MEOX2: variants seen among roughly 807,000 people sequenced by gnomAD.
MEOX2 encodes homeobox protein MOX-2.
Under a neutral mutation model 27.0 loss-of-function variants are expected in MEOX2, and 11 were observed. The ratio of observed to expected loss-of-function variants is 0.41; its 90% confidence interval spans 0.26 to 0.68. MEOX2 has a LOEUF of 0.68. Among genes scored for constraint, MEOX2 ranks in the 30% least tolerant of loss-of-function variants. The probability of loss-of-function intolerance (pLI) is 0.33; values close to 1 mark genes in which losing one functional copy is unlikely to be tolerated. For synonymous variants in MEOX2, 189 were observed against 155.4 expected (o/e 1.22, Z -1.61); for missense variants, 436 against 385.4 (o/e 1.13, Z -1.10).
chr7:15,625,507 A>G (rs1781289774), intron 2 of MEOX2, among the ~76,000 whole-genome samples: 1 of 152,240 alleles, frequency 6.6e-6, no homozygotes, highest in Non-Finnish European at 1.5e-5. Flanking sequence ...AAAAATTAAC[A>G]GAAGGAAAGC....
At chr7:15,647,419 C>G (rs1487664959) in intron 1 of MEOX2, among the ~76,000 whole-genome samples, 1 of 152,094 alleles carries the variant, frequency 6.6e-6, no homozygotes, top group East Asian at 1.9e-4. Flanking sequence ...AGTAAATTCT[C>G]TAGCTAAGCT....
chr7:15,681,700 G>GT (rs1004261796), intron 1 of MEOX2: 17 of 151,564 alleles, frequency 1.1e-4, no homozygotes, highest in Non-Finnish European at 1.3e-4. Flanking sequence ...CTGAAGTACT[G>GT]TTTTTTCAGT....
At chr7:15,685,753 G>C in intron 1 of MEOX2, 133 bp downstream of exon 1, 3 of 1,297,192 alleles carry the variant, frequency 2.3e-6, no homozygotes, top group Non-Finnish European at 3.2e-6. Context: ...GAATTTGGCC[G>C]CAGGAAGCCA....
intron 1 of MEOX2, among the ~76,000 whole-genome samples, chr7:15,653,318 T>G (rs1271858315): frequency 6.6e-6 from 1 of 152,032 alleles, no homozygotes; most frequent in Non-Finnish European, 1.5e-5. Flanking sequence ...CTTGGCCCAC[T>G]TTCGTATTTG....
chr7:15,641,841 GA>G (rs1157185052), intron 1 of MEOX2, among the ~76,000 whole-genome samples: 1 of 151,712 alleles, frequency 6.6e-6, no homozygotes, highest in Admixed American at 6.6e-5. Context: ...TTGCTTGTTT[GA>G]AAAAAATATT....
chr7:15,677,191 A>C (rs1048571016), intron 1 of MEOX2, among the ~76,000 whole-genome samples: 1 of 152,226 alleles, frequency 6.6e-6, no homozygotes, highest in Admixed American at 6.5e-5. Context: ...CAGGTAGCAT[A>C]AAATAGATTA....
chr7:15,655,018 A>T (rs560076106), intron 1 of MEOX2, among the ~76,000 whole-genome samples: 2 of 151,386 alleles, frequency 1.3e-5, no homozygotes, highest in Admixed American at 1.3e-4. Flanking sequence ...GCCTGTATAT[A>T]TTTTTTTTGA....
chr7:15,634,502 G>A (rs1404660627), intron 1 of MEOX2, among the ~76,000 whole-genome samples: 4 of 152,036 alleles, frequency 2.6e-5, no homozygotes, highest in Admixed American at 6.6e-5. Context: ...AATGTTTATT[G>A]TTGTATGAAA....
At chr7:15,667,379 C>A (rs143315297) in intron 1 of MEOX2, among the ~76,000 whole-genome samples, 1 of 148,400 alleles carries the variant, frequency 6.7e-6, no homozygotes, top group Non-Finnish European at 1.5e-5. Context: ...CCCTGGATTT[C>A]TCTGAATATT....
chr7:15,679,586 G>A (rs758933808), intron 1 of MEOX2: 4 of 151,964 alleles, frequency 2.6e-5, no homozygotes, highest in Non-Finnish European at 4.4e-5. Flanking sequence ...TTACCACTGA[G>A]TTACTACCTA....
At chr7:15,632,334 T>C (rs1781417646) in intron 1 of MEOX2, among the ~76,000 whole-genome samples, 1 of 151,864 alleles carries the variant, frequency 6.6e-6, no homozygotes, top group African/African-American at 2.4e-5. Context: ...AGTTTTACCT[T>C]ACAGCCTGTT....
At chr7:15,626,216 G>T (rs1781302577) in intron 2 of MEOX2, among the ~76,000 whole-genome samples, 1 of 152,138 alleles carries the variant, frequency 6.6e-6, no homozygotes, top group Non-Finnish European at 1.5e-5. Flanking sequence ...ATGTTGAGAT[G>T]CTAAAGAGTC....
At chr7:15,620,907 A>C (rs1176185224) in intron 2 of MEOX2, among the ~76,000 whole-genome samples, 1 of 152,100 alleles carries the variant, frequency 6.6e-6, no homozygotes, top group Non-Finnish European at 1.5e-5. Flanking sequence ...AAGTGAAAGG[A>C]TCTCCCATTC....
At chr7:15,657,048 A>C (rs908134830) in intron 1 of MEOX2, among the ~76,000 whole-genome samples, 2 of 152,006 alleles carry the variant, frequency 1.3e-5, no homozygotes, top group Admixed American at 1.3e-4. Flanking sequence ...TTTAATGTGA[A>C]ATTTACTATC....
intron 2 of MEOX2, among the ~76,000 whole-genome samples, chr7:15,619,250 A>T (rs1465738579): frequency 6.6e-6 from 1 of 152,010 alleles, no homozygotes; most frequent in African/African-American, 2.4e-5. Flanking sequence ...TTTTAACATG[A>T]ATAAAACTTA....
chr7:15,675,266 T>A (rs1370331152), intron 1 of MEOX2, among the ~76,000 whole-genome samples: 1 of 152,114 alleles, frequency 6.6e-6, no homozygotes, highest in East Asian at 1.9e-4. Flanking sequence ...GCTACATCAT[T>A]AAAAAAATTA....
chr7:15,633,545 G>A (rs766244088), intron 1 of MEOX2, among the ~76,000 whole-genome samples: 3 of 152,026 alleles, frequency 2.0e-5, no homozygotes, highest in Admixed American at 1.3e-4. Flanking sequence ...AATTCTGCCG[G>A]TAGTGCAGTA....
Position 15,686,053 on chromosome 7 carries a change from G to T in MEOX2, c.350C>A (p.Pro117His), listed in dbSNP as rs1379205886. 4.4e-6 allele frequency: 7 copies of T among 1,603,188 alleles called. No individual in the cohort carries two copies. Among genetic ancestry groups the T allele is most frequent in the Non-Finnish European group, 5.1e-6 (6 of 1,177,434 alleles). The change falls in exon 1 of 3, where the codon CCC (proline) becomes CAC (histidine). Residue 117 changes from proline to histidine, a missense_variant. Transcript: ENST00000262041. ...SLCLQPDSGG[P>H]PELGSSPPVL... ...GGGCGGGCTGCTCCCCAACTCTGGG[G>T]GCCCTCCAGAGTCGGGCTGGAGGCA...
chr7:15,615,034 A>C (rs1272519016), intron 2 of MEOX2, among the ~76,000 whole-genome samples: 1 of 152,166 alleles, frequency 6.6e-6, no homozygotes, highest in Admixed American at 6.5e-5. Context: ...TTGACAATAA[A>C]AAATAAGAAA....
Sources: gnomAD v4.1 joint callset for allele counts (sites outside exome capture counted in the v4.1 genomes callset) on GRCh38, gnomAD v4.1.1 for gene constraint, MANE v1.5 for transcripts, NCBI Gene and HGNC (gene_info 2026-07-23, HGNC 2026-07-21) for gene names.